Variants in CLEC16A observed in about 807,000 individuals in gnomAD.
The protein encoded by CLEC16A is C-type lectin domain containing 16A.
Under a neutral mutation model 109.5 loss-of-function variants are expected in CLEC16A, and 51 were observed. The observed-to-expected ratio is 0.47, with a 90% CI of 0.37 to 0.59. The LOEUF is 0.59. Among genes scored for constraint, CLEC16A ranks in the 20% least tolerant of loss-of-function variants. The pLI is 0.00. For synonymous variants in CLEC16A, 673 were observed against 564.2 expected (o/e 1.19, Z -2.73); for missense variants, 1,339 against 1,394.0 (o/e 0.96, Z 0.63).
chr16:10,946,616 C>T (rs2041388813), intron 1 of CLEC16A, among the ~76,000 whole-genome samples: 1 of 152,006 alleles, frequency 6.6e-6, no homozygotes, highest in Non-Finnish European at 1.5e-5. Context: ...GGGGAGTTAT[C>T]CAGAGGAGGT....
intron 22 of CLEC16A, chr16:11,126,688 G>C (rs905793046): frequency 1.7e-5 from 3 of 178,810 alleles, no homozygotes; most frequent in African/African-American, 2.4e-5. Flanking sequence ...AAAGTCCATT[G>C]CTGATTTGTC....
intron 19 of CLEC16A, among the ~76,000 whole-genome samples, chr16:11,083,554 C>A (rs935323506): frequency 3.9e-5 from 6 of 152,358 alleles, no homozygotes; most frequent in African/African-American, 1.2e-4. Flanking sequence ...CAGGGCCACT[C>A]AGCTCCAGAG....
At position 10,999,299 on chromosome 16, in the gene CLEC16A, TAAAA is replaced by T. The variant is rs1194703841; in HGVS notation, c.1072-3771_1072-3768del. 4.6e-5 allele frequency among the ~76,000 whole-genome samples: 7 copies of T among 152,254 alleles called. No individual in the cohort carries two copies. The East Asian group carries it at 9.6e-4, about 21-fold the overall frequency. ...AAATCTCAAACCAAAAGGTATAAAA[TAAAA>T]AAAGTGTGCTTGTGTGGGTGTGTAC... On this transcript the variant is annotated intron_variant, in intron 10 of 23. Transcript: ENST00000409790.
intron 23 of CLEC16A, among the ~76,000 whole-genome samples, chr16:11,177,040 A>G (rs1484551844): frequency 6.6e-6 from 1 of 152,152 alleles, no homozygotes; most frequent in Non-Finnish European, 1.5e-5. Context: ...AAATTCTACC[A>G]TGCTTCCCGG....
intron 18 of CLEC16A, chr16:11,057,124 T>C (rs2048251599): frequency 6.4e-6 from 1 of 155,990 alleles, no homozygotes; most frequent in African/African-American, 2.4e-5. Context: ...GGTATGAATG[T>C]GTTTTTTTCA....
At chr16:10,969,344 A>C in intron 4 of CLEC16A, 35 bp downstream of exon 4, 3 of 1,491,720 alleles carry the variant, frequency 2.0e-6, no homozygotes, top group Non-Finnish European at 2.7e-6. Flanking sequence ...TGTGGGTGTA[A>C]AGCCACACGT....
intron 22 of CLEC16A, among the ~76,000 whole-genome samples, chr16:11,161,851 A>G (rs1173119265): frequency 6.6e-6 from 1 of 152,230 alleles, no homozygotes. Flanking sequence ...AAACACACAT[A>G]TAACATAAAT....
At position 10,979,231 on chromosome 16, in the gene CLEC16A, C is replaced by T. The variant is rs116564899; in HGVS notation, c.904-98C>T. ...CGTGGAGGAAGTCAGTGGGACAGGA[C>T]GCCTTTGTTCACACAGAAGGCTTTT... On this transcript the variant is annotated intron_variant, in intron 8 of 23. Transcript: ENST00000409790. 340 of 1,069,902 alleles carry T rather than the reference C, an allele frequency of 3.2e-4. 2 individuals are homozygous for T. In the African/African-American group the frequency reaches 4.7e-3, roughly 15 times the overall value. The allele number at this position is 1,069,902 out of a possible 1,614,324, so 66.3% of individuals were successfully genotyped here. A position where few individuals can be genotyped will look rare whatever the true frequency, so the allele number is the denominator to read the frequency against.
intron 13 of CLEC16A, among the ~76,000 whole-genome samples, chr16:11,028,300 C>A (rs952752580): frequency 1.3e-5 from 2 of 152,296 alleles, no homozygotes; most frequent in Non-Finnish European, 1.5e-5. Flanking sequence ...GGTGCTGCGT[C>A]GTCTGAAATC....
chr16:11,052,983 T>C (rs527660229), intron 18 of CLEC16A, among the ~76,000 whole-genome samples: 1 of 152,228 alleles, frequency 6.6e-6, no homozygotes, highest in South Asian at 2.1e-4. Context: ...AGCCTCAAAC[T>C]CCTGGGCTCC....
chr16:11,026,928 C>G (rs568072817), intron 13 of CLEC16A: 2 of 1,060,184 alleles, frequency 1.9e-6, no homozygotes, highest in African/African-American at 3.1e-5. Context: ...CCAGCGTGAG[C>G]TAGAACAGAC....
At chr16:11,102,930 C>T (rs901670537) in intron 19 of CLEC16A, among the ~76,000 whole-genome samples, 22 of 152,246 alleles carry the variant, frequency 1.4e-4, no homozygotes, top group African/African-American at 7.2e-5. Context: ...GGCAACAAGC[C>T]GAGGTCCCAC....
At chr16:10,947,289 G>C (rs1380614754) in intron 1 of CLEC16A, among the ~76,000 whole-genome samples, 1 of 152,192 alleles carries the variant, frequency 6.6e-6, no homozygotes, top group African/African-American at 2.4e-5. Flanking sequence ...CTCTGCATTT[G>C]GCTCTGTTGG....
chr16:11,156,452 C>T (rs1247089626), intron 22 of CLEC16A: 2 of 426,912 alleles, frequency 4.7e-6, no homozygotes, highest in African/African-American at 4.1e-5. Context: ...CAAGCAGGGC[C>T]ATAGTGACCC....
chr16:10,960,601 C>A (rs1439739629), intron 2 of CLEC16A, among the ~76,000 whole-genome samples: 1 of 152,180 alleles, frequency 6.6e-6, no homozygotes, highest in African/African-American at 2.4e-5. Flanking sequence ...CCTTTCCCCA[C>A]ACTGTTCTTT....
intron 10 of CLEC16A, among the ~76,000 whole-genome samples, chr16:10,999,884 T>G (rs2044562510): frequency 6.6e-6 from 1 of 152,262 alleles, no homozygotes; most frequent in South Asian, 2.1e-4. Context: ...GTGCCCAGGC[T>G]GGAGTGCGGT....
intron 10 of CLEC16A, among the ~76,000 whole-genome samples, chr16:10,996,552 C>T (rs2044339297): frequency 6.6e-6 from 1 of 152,244 alleles, no homozygotes; most frequent in African/African-American, 2.4e-5. Context: ...ACATCCAAGA[C>T]TTGTATCAGT....
chr16:11,010,561 C>A (rs946988124), intron 11 of CLEC16A, among the ~76,000 whole-genome samples: 2 of 152,202 alleles, frequency 1.3e-5, no homozygotes, highest in Admixed American at 6.5e-5. Flanking sequence ...TCTGCACACC[C>A]GCCCCACACA....
intron 22 of CLEC16A, among the ~76,000 whole-genome samples, chr16:11,147,691 C>G (rs1161183988): frequency 6.6e-6 from 1 of 152,192 alleles, no homozygotes; most frequent in Non-Finnish European, 1.5e-5. Context: ...TGAATTCTAT[C>G]TCAATGAAAC....
Sources: gnomAD v4.1 joint callset for allele counts (sites outside exome capture counted in the v4.1 genomes callset) on GRCh38, gnomAD v4.1.1 for gene constraint, MANE v1.5 for transcripts, NCBI Gene and HGNC (gene_info 2026-07-23, HGNC 2026-07-21) for gene names.